Variants in PRDM6 observed in about 807,000 individuals in gnomAD.
PRDM6 encodes the protein putative histone-lysine N-methyltransferase PRDM6.
PRDM6 carries 25 observed loss-of-function variants against 60.8 expected under a neutral mutation model. That is an observed-to-expected ratio of 0.41 (90% CI 0.30 to 0.57). The LOEUF (loss-of-function observed/expected upper bound fraction) is 0.57. Among genes scored for constraint, PRDM6 ranks in the 20% least tolerant of loss-of-function variants. The pLI is 0.27. For missense variants in PRDM6, 839 were observed against 821.3 expected, an observed-to-expected ratio of 1.02 and a Z score of -0.26; for synonymous variants, 407 against 357.4, an observed-to-expected ratio of 1.14 and a Z score of -1.57.
intron 3 of PRDM6, among the ~76,000 whole-genome samples, chr5:123,129,502 G>C (rs1387725270): frequency 6.6e-6 from 1 of 152,138 alleles, no homozygotes; most frequent in East Asian, 1.9e-4. Flanking sequence ...AGGGTAAGAA[G>C]AAAAGGGAGG....
chr5:123,183,402 A>G (rs1013622948), intron 7 of PRDM6, among the ~76,000 whole-genome samples: 3 of 152,178 alleles, frequency 2.0e-5, no homozygotes, highest in African/African-American at 7.2e-5. Flanking sequence ...TTGAAGGCAT[A>G]TCAAGATTAC....
chr5:123,151,190 G>A (rs950756235), intron 3 of PRDM6, among the ~76,000 whole-genome samples: 2 of 152,118 alleles, frequency 1.3e-5, no homozygotes, highest in Admixed American at 6.6e-5. Context: ...ACAACCAAAT[G>A]CCAGTATCTG....
At chr5:123,117,768 G>A (rs537934497) in intron 3 of PRDM6, among the ~76,000 whole-genome samples, 79 of 81,952 alleles carry the variant, frequency 9.6e-4, no homozygotes, top group African/African-American at 3.4e-3. Flanking sequence ...GGCCTAAACA[G>A]CATTTGCTCA....
chr5:123,173,829 A>G (rs768861598), intron 6 of PRDM6, among the ~76,000 whole-genome samples: 40 of 152,184 alleles, frequency 2.6e-4, no homozygotes, highest in Non-Finnish European at 4.1e-4. Flanking sequence ...GGAATGGCTC[A>G]TTTCTGTTCC....
intron 3 of PRDM6, among the ~76,000 whole-genome samples, chr5:123,142,699 C>A (rs1303224864): frequency 6.6e-6 from 1 of 151,914 alleles, no homozygotes; most frequent in African/African-American, 2.4e-5. Context: ...CCAGTGTAAT[C>A]TGGCCCACAC....
intron 5 of PRDM6, 54 bp from the exon 6 acceptor site, chr5:123,170,712 G>T (rs1342086736): frequency 2.5e-6 from 3 of 1,220,572 alleles, no homozygotes; most frequent in East Asian, 5.1e-5. Flanking sequence ...GTGTTATTGT[G>T]CTTATTTTAA....
intron 3 of PRDM6, among the ~76,000 whole-genome samples, chr5:123,127,387 A>G (rs1034407010): frequency 5.9e-5 from 9 of 152,232 alleles, no homozygotes; most frequent in Non-Finnish European, 1.5e-5. Context: ...TTGGGAAAAT[A>G]TAACAGTTGG....
rs567171573 is a variant in PRDM6 at position 123,097,378 on chromosome 5, CTT to C, written c.593-2273_593-2272del. Among the ~76,000 whole-genome samples, 33 of 152,136 alleles carry C rather than the reference CTT, an allele frequency of 2.2e-4. No homozygotes were observed. The South Asian group carries it at 4.6e-3, about 21-fold the overall frequency. ...TTAAATTTCCCCAGCTTTCATTAGT[CTT>C]TTAAAAATCTCTGGGTTTAGAGGCC... On this transcript the variant is annotated intron_variant, in intron 2 of 7. Coordinates refer to ENST00000407847, the MANE Select transcript of PRDM6 (RefSeq NM_001136239.4).
rs1763769379 is a variant in PRDM6 at position 123,089,963 on chromosome 5, G to A, written c.-15-37G>A. On this transcript the variant is annotated intron_variant, in intron 1 of 7. Coordinates refer to ENST00000407847, the MANE Select transcript of PRDM6 (RefSeq NM_001136239.4). The stretch of plus-strand genomic sequence containing the variant: ...CCCTCTTCCCGGCCCCTTTCGCCCA[G>A]CTCACGCGCCCCCTCTTCCCTGCCC... The A allele has an allele frequency of 6.2e-6, 9 of 1,460,536 alleles. No individual in the cohort carries two copies. The South Asian group carries it at 7.4e-5, about 12-fold the overall frequency. The allele number at this position is 1,460,536 out of a possible 1,614,324, so 90.5% of individuals were successfully genotyped here.
intron 3 of PRDM6, among the ~76,000 whole-genome samples, chr5:123,126,882 T>G (rs1024300563): frequency 2.6e-5 from 4 of 152,214 alleles, no homozygotes; most frequent in African/African-American, 9.7e-5. Flanking sequence ...AAACCTTTTA[T>G]GTTTTATAAC....
At chr5:123,114,710 T>C (rs1187597176) in intron 3 of PRDM6, among the ~76,000 whole-genome samples, 1 of 152,242 alleles carries the variant, frequency 6.6e-6, no homozygotes, top group Non-Finnish European at 1.5e-5. Flanking sequence ...ATGACTCTTG[T>C]GACTGGGGAG....
At position 123,155,892 on chromosome 5, in the gene PRDM6, C is replaced by T; in HGVS notation, c.909C>T (p.Asp303=). Residue 303 remains aspartate, a synonymous_variant, in exon 4 of 8, where the codon GAC becomes GAT. Coordinates refer to ENST00000407847, the MANE Select transcript of PRDM6 (RefSeq NM_001136239.4). ...TCTGACCTCTTCTCCAGATATATGA[C>T]CAGGATGGGACACTACAGCACTTTA... is the stretch of plus-strand genomic sequence containing the variant. ...RNTQHLWEIY[D]QDGTLQHFID... 1 of 1,551,084 alleles carries T rather than the reference C, an allele frequency of 6.4e-7. No homozygotes were observed. The highest frequency in any genetic ancestry group is 8.7e-7 in the Non-Finnish European group (1 of 1,146,722).
intron 3 of PRDM6, among the ~76,000 whole-genome samples, chr5:123,133,299 A>G (rs1312700681): frequency 1.3e-5 from 2 of 152,138 alleles, no homozygotes; most frequent in Admixed American, 1.3e-4. Context: ...AATCCTTCCT[A>G]TGCAAACACG....
chr5:123,099,670 G>C lies in PRDM6; in HGVS notation c.609G>C (p.Ala203=). Residue 203 remains alanine (A), a synonymous_variant, in exon 3 of 8, where the codon GCG becomes GCC. Transcript: ENST00000407847. This position sits in a 1 kb window ranked among gnomAD's most constrained non-coding sequence, Gnocchi z 4.0. ...SDPNNRCDMC[A]DNRNGECPMH... ...CTCCCGCAGGTTGCGACATGTGCGC[G>C]GACAACCGCAACGGCGAGTGCCCTA... 2 of 1,462,190 alleles carry C rather than the reference G, an allele frequency of 1.4e-6. No homozygotes were observed. Among genetic ancestry groups the C allele is most frequent in the Non-Finnish European group, 1.8e-6 (2 of 1,103,416 alleles). 90.6% of individuals were successfully genotyped at this position (1,462,190 alleles called of 1,614,324 possible). A position where few individuals can be genotyped will look rare whatever the true frequency, so the allele number is the denominator to read the frequency against.
At chr5:123,112,081 G>A (rs559710191) in intron 3 of PRDM6, among the ~76,000 whole-genome samples, 6 of 152,174 alleles carry the variant, frequency 3.9e-5, no homozygotes, top group Non-Finnish European at 7.3e-5. Context: ...CTAAGCATAA[G>A]GAGGCAGCCA....
chr5:123,112,552 G>C (rs1158187425), intron 3 of PRDM6, among the ~76,000 whole-genome samples: 1 of 152,010 alleles, frequency 6.6e-6, no homozygotes, highest in Non-Finnish European at 1.5e-5. Context: ...TGTTTCAATT[G>C]CTCCCCAAAA....
intron 5 of PRDM6, among the ~76,000 whole-genome samples, chr5:123,164,323 A>G (rs902745751): frequency 2.6e-5 from 4 of 152,216 alleles, no homozygotes; most frequent in Admixed American, 2.6e-4. Flanking sequence ...GGGTTGGCTT[A>G]GAACCAGGAA....
chr5:123,094,432 T>TTCTCTCTCTCTCTC (rs3037346), intron 2 of PRDM6, among the ~76,000 whole-genome samples: 6,895 of 147,930 alleles, frequency 0.047, 217 homozygotes, highest in Non-Finnish European at 0.067. Context: ...GCTTTTGTGT[T>TTCTCTCTCTCTCTC]TCTCTCTCTC....
chr5:123,114,399 G>C (rs999835190), intron 3 of PRDM6, among the ~76,000 whole-genome samples: 22 of 152,050 alleles, frequency 1.4e-4, no homozygotes, highest in Middle Eastern at 3.2e-3. Flanking sequence ...TACTATTTTA[G>C]AGTCACATCT....
Sources: allele counts gnomAD v4.1 joint callset (sites outside exome capture counted in the v4.1 genomes callset), GRCh38; gene constraint gnomAD v4.1.1; non-coding constraint Gnocchi (gnomAD v3.1); transcripts MANE v1.5; gene names NCBI Gene and HGNC (gene_info 2026-07-23, HGNC 2026-07-21).